The following GRIN2A variants were observed in gnomAD, a reference collection of about 807,000 sequenced individuals.
GRIN2A encodes the protein glutamate receptor ionotropic, NMDA 2A.
GRIN2A carries 22 observed loss-of-function variants against 113.4 expected under a neutral mutation model. The ratio of observed to expected loss-of-function variants is 0.19; its 90% CI spans 0.14 to 0.28. The LOEUF is 0.28. Ranked by LOEUF, GRIN2A falls within the 10% of genes least tolerant of loss-of-function variation. The pLI, the probability that GRIN2A is intolerant of heterozygous loss-of-function variation, is 1.00. For synonymous variants in GRIN2A, 827 were observed against 738.4 expected (o/e 1.12, Z -1.94); for missense variants, 1,502 against 1,887.0 (o/e 0.80, Z 3.78).
chr16:9,991,477 T>C (rs1014145198), intron 2 of GRIN2A, among the ~76,000 whole-genome samples: 7 of 152,242 alleles, frequency 4.6e-5, no homozygotes, highest in Non-Finnish European at 5.9e-5. Flanking sequence ...TGGTGAAGTC[T>C]TGGCTTTTAG....
At chr16:10,082,443 A>G (rs1165302891) in intron 2 of GRIN2A, among the ~76,000 whole-genome samples, 2 of 152,228 alleles carry the variant, frequency 1.3e-5, no homozygotes, top group Non-Finnish European at 2.9e-5. Flanking sequence ...GAACCTGTGA[A>G]TATGATAGGA....
chr16:9,796,760 C>T (rs1340056675), intron 11 of GRIN2A, among the ~76,000 whole-genome samples: 4 of 152,220 alleles, frequency 2.6e-5, no homozygotes, highest in Non-Finnish European at 4.4e-5. Context: ...AGCAGAGGCA[C>T]TATCCCCACC....
At chr16:9,937,934 T>C in intron 3 of GRIN2A, 25 bp downstream of exon 3, 1 of 1,533,416 alleles carries the variant, frequency 6.5e-7, no homozygotes, top group Non-Finnish European at 9.0e-7. Context: ...GATCCCACTT[T>C]GGGAGACAAC....
intron 2 of GRIN2A, among the ~76,000 whole-genome samples, chr16:10,161,382 A>T (rs1425165649): frequency 6.6e-6 from 1 of 152,208 alleles, no homozygotes; most frequent in Non-Finnish European, 1.5e-5. Context: ...GTACGTCTTC[A>T]TTAGCAGTGT....
intron 10 of GRIN2A, among the ~76,000 whole-genome samples, chr16:9,813,438 A>AGAT: frequency 6.6e-6 from 1 of 152,190 alleles, no homozygotes; most frequent in South Asian, 2.1e-4. Context: ...AAATGTAAAA[A>AGAT]GATGTAAAGT....
intron 2 of GRIN2A, among the ~76,000 whole-genome samples, chr16:10,155,937 G>C (rs2049684753): frequency 6.6e-6 from 1 of 152,292 alleles, no homozygotes; most frequent in African/African-American, 2.4e-5. Context: ...GTGAGATTTA[G>C]GTGGGGACAC....
At chr16:10,132,254 C>A (rs2111223) in intron 2 of GRIN2A, among the ~76,000 whole-genome samples, 11,017 of 149,316 alleles carry the variant, frequency 0.074, 536 homozygotes, top group Non-Finnish European at 0.11. Flanking sequence ...ATCGCTTGAA[C>A]CCGGGAGGCA....
At position 9,768,896 on chromosome 16, in the gene GRIN2A, C is replaced by G. The variant is rs750224605; in HGVS notation, c.2550G>C (p.Thr850=). ...ACCCAGGCCGGTCGGAGCACACGCC[C>G]GTGAAACAGAAGCGCAGCTTCCAGT... ...LFYWKLRFCF[T]GVCSDRPGLL... The change falls in exon 12 of 13, where the codon ACG becomes ACC. Residue 850 remains threonine (T), a synonymous_variant. Transcript: ENST00000330684. The G allele has an allele frequency of 6.2e-7, 1 of 1,614,164 alleles. No individual in the cohort carries two copies. Among genetic ancestry groups the G allele is most frequent in the Non-Finnish European group, 8.5e-7 (1 of 1,180,002 alleles).
At chr16:9,969,447 T>C (rs1327037977) in intron 2 of GRIN2A, among the ~76,000 whole-genome samples, 1 of 152,326 alleles carries the variant, frequency 6.6e-6, no homozygotes, top group East Asian at 1.9e-4. Context: ...TACTTGGACA[T>C]TTTATCCATC....
chr16:9,991,329 C>A (rs1169832135), intron 2 of GRIN2A, among the ~76,000 whole-genome samples: 1 of 152,186 alleles, frequency 6.6e-6, no homozygotes, highest in African/African-American at 2.4e-5. Context: ...GGTCCTCTGG[C>A]TCCAGGGTTC....
chr16:9,930,597 C>G (rs1033048072), intron 3 of GRIN2A, among the ~76,000 whole-genome samples: 1 of 152,136 alleles, frequency 6.6e-6, no homozygotes, highest in Non-Finnish European at 1.5e-5. Context: ...GATTTCACTG[C>G]GAGAAGTGTT....
chr16:9,795,383 T>A (rs1394899381), intron 11 of GRIN2A, among the ~76,000 whole-genome samples: 1 of 152,118 alleles, frequency 6.6e-6, no homozygotes, highest in Admixed American at 6.6e-5. Flanking sequence ...CCCTATATGG[T>A]CTAAAAAAGG....
intron 2 of GRIN2A, among the ~76,000 whole-genome samples, chr16:9,995,174 C>A (rs1402962668): frequency 1.3e-5 from 2 of 152,138 alleles, no homozygotes; most frequent in East Asian, 3.9e-4. Context: ...GAGGAAGCAG[C>A]ATCTGAGCTG....
At chr16:10,158,575 A>C (rs1034435840) in intron 2 of GRIN2A, among the ~76,000 whole-genome samples, 1 of 152,278 alleles carries the variant, frequency 6.6e-6, no homozygotes, top group African/African-American at 2.4e-5. Context: ...ATACAATGGA[A>C]TATTATTCAG....
chr16:9,792,663 A>ATTTAAT (rs149784327), intron 11 of GRIN2A, among the ~76,000 whole-genome samples: 6,474 of 152,270 alleles, frequency 0.043, 473 homozygotes, highest in African/African-American at 0.15. Context: ...AAATATATAC[A>ATTTAAT]TTTAATTTTA....
At chr16:10,096,970 C>T (rs980455138) in intron 2 of GRIN2A, among the ~76,000 whole-genome samples, 6 of 152,186 alleles carry the variant, frequency 3.9e-5, no homozygotes, top group African/African-American at 1.4e-4. Flanking sequence ...CGGGTGTTAG[C>T]TGTGATAATT....
chr16:9,851,182 C>T (rs1454059493), intron 4 of GRIN2A, among the ~76,000 whole-genome samples: 1 of 152,116 alleles, frequency 6.6e-6, no homozygotes, highest in Non-Finnish European at 1.5e-5. Flanking sequence ...AGAATCAGTG[C>T]TCTCTAAGAT....
At chr16:10,141,156 G>A (rs796067936) in intron 2 of GRIN2A, among the ~76,000 whole-genome samples, 3 of 152,070 alleles carry the variant, frequency 2.0e-5, no homozygotes, top group East Asian at 1.9e-4. Flanking sequence ...TCGTGCCACT[G>A]CACTCCATCT....
chr16:10,049,961 T>C lies in GRIN2A; in HGVS notation c.415-111410A>G, dbSNP rs75850565. ...CCACTGTTATCATCACTCCCATATT[T>C]ATACTCATACCCATACCATCCTACC... On this transcript the variant is annotated intron_variant, in intron 2 of 12. Coordinates refer to ENST00000330684, the MANE Select transcript of GRIN2A (RefSeq NM_001134407.3). Among the ~76,000 whole-genome samples the C allele has an allele frequency of 7.9e-3, 1,210 of 152,266 alleles. 14 individuals carry two copies. Among genetic ancestry groups the C allele is most frequent in the African/African-American group, 0.028 (1,156 of 41,546 alleles).
Sources: allele counts gnomAD v4.1 joint callset (sites outside exome capture counted in the v4.1 genomes callset), GRCh38; gene constraint gnomAD v4.1.1; transcripts MANE v1.5; gene names NCBI Gene and HGNC (gene_info 2026-07-23, HGNC 2026-07-21).